BRIP1: variants seen among roughly 807,000 people sequenced by gnomAD.
BRIP1 encodes the protein Fanconi anemia group J protein.
A neutral mutation model predicts 119.7 loss-of-function variants in BRIP1; 88 were observed. That is an observed-to-expected ratio of 0.74 (90% CI 0.62 to 0.88). The LOEUF (loss-of-function observed/expected upper bound fraction) is 0.88. BRIP1 is among the 40% of genes least tolerant of loss of function. The pLI is 0.00. For synonymous variants in BRIP1, 443 were observed against 496.5 expected (o/e 0.89, Z 1.43); for missense variants, 1,259 against 1,455.4 (o/e 0.87, Z 2.20).
chr17:61,773,803 G>A (rs1308572919), intron 14 of BRIP1, among the ~76,000 whole-genome samples: 2 of 152,076 alleles, frequency 1.3e-5, no homozygotes, highest in Non-Finnish European at 2.9e-5. Context: ...CTCAAAAGAA[G>A]ACATTTATGC....
rs978584080 is a variant in BRIP1, at chr17:61,841,853, A to T, written c.627+5248T>A. On this transcript the variant is annotated intron_variant, in intron 6 of 19. Transcript: ENST00000259008. The surrounding 1 kb of genome is among the most constrained non-coding windows in gnomAD (Gnocchi z 4.1). ...ACCACCACGCCTGGCTAATTTTTTT[A>T]AAAATTTTGTACAGATGGGGTTCTC... Among the ~76,000 whole-genome samples, 2 of 152,034 alleles carry T rather than the reference A, an allele frequency of 1.3e-5. No individual in the cohort carries two copies. Among genetic ancestry groups the T allele is most frequent in the Non-Finnish European group, 1.5e-5 (1 of 67,984 alleles).
intron 16 of BRIP1, among the ~76,000 whole-genome samples, chr17:61,732,364 T>C (rs567589770): frequency 6.6e-6 from 1 of 152,278 alleles, no homozygotes; most frequent in East Asian, 1.9e-4. Context: ...AATGTTTGTA[T>C]ATTTGAATCT....
Position 61,857,165 on chromosome 17 carries a change from T to G in BRIP1, c.272A>C (p.His91Pro), listed in dbSNP as rs2145829406. 2 of 1,614,150 alleles carry G rather than the reference T, an allele frequency of 1.2e-6. No homozygotes were observed. Among genetic ancestry groups the G allele is most frequent in the Non-Finnish European group, 1.7e-6 (2 of 1,179,984 alleles). Residue 91 changes from histidine to proline, a missense_variant, in exon 4 of 20, where the codon CAT becomes CCT. Around this residue, in one of 3 missense-constraint regions of BRIP1, gnomAD observed 501 missense variants for 544.0 expected, o/e 0.92. Transcript: ENST00000259008. This position sits in a 1 kb window ranked among gnomAD's most constrained non-coding sequence, Gnocchi z 5.1. ...EVQLSCCCAC[H>P]SKDFTNNDMN... is the part of the protein sequence containing the mutation. ...GTCATTGTTTGTAAAATCCTTTGAA[T>G]GGCATGCACAACAACATGACAATTG...
In BRIP1 at chr17:61,689,876, G is replaced by A. The variant is rs1286477041; in HGVS notation, c.2575+3554C>T. On this transcript the variant is annotated intron_variant, in intron 18 of 19. Transcript: ENST00000259008. This position sits in a 1 kb window ranked among gnomAD's most constrained non-coding sequence, Gnocchi z 4.5. The stretch of plus-strand genomic sequence containing the variant: ...AAAAATTAAAAATTAGCCAGGTCTG[G>A]TGGTGCATGCCTGTAGTCCCAGCTG... Among the ~76,000 whole-genome samples the A allele has an allele frequency of 6.6e-6, 1 of 152,164 alleles. No homozygotes were observed. The highest frequency in any genetic ancestry group is 1.5e-5 in the Non-Finnish European group (1 of 68,034).
intron 1 of BRIP1, among the ~76,000 whole-genome samples, chr17:61,863,082 T>C (rs973483055): frequency 1.3e-5 from 2 of 151,890 alleles, no homozygotes; most frequent in Admixed American, 6.6e-5. Context: ...CCGCCAAGAA[T>C]TAACGCAGCG....
In BRIP1 at chr17:61,740,157, G is replaced by A. The variant is rs116333323; in HGVS notation, c.2379+2856C>T. 4.3e-3 allele frequency among the ~76,000 whole-genome samples: 657 copies of A among 152,180 alleles called. 3 individuals are homozygous for A. Among genetic ancestry groups the A allele is most frequent in the African/African-American group, 0.015 (616 of 41,526 alleles). On this transcript the variant is annotated intron_variant, in intron 16 of 19. Transcript: ENST00000259008. The surrounding 1 kb of genome is among the most constrained non-coding windows in gnomAD (Gnocchi z 5.4). ...CAGAGCATTAAAGTACAAGCAGAGC[G>A]CAGTGGTCCTGTTGAGCTGAGGTGG... is the stretch of plus-strand genomic sequence containing the variant.
chr17:61,776,348 T>C lies in BRIP1; in HGVS notation c.2097+53A>G. 1 of 1,603,076 alleles carries C rather than the reference T, an allele frequency of 6.2e-7. No individual in the cohort carries two copies. Among genetic ancestry groups the C allele is most frequent in the Non-Finnish European group, 8.5e-7 (1 of 1,170,288 alleles). The stretch of plus-strand genomic sequence containing the variant: ...AATTTTAAAATTAGCATGCCAATGT[T>C]TAAAATGTAAATGATTATTTAAAGG... On this transcript the variant is annotated intron_variant, in intron 14 of 19. Coordinates refer to ENST00000259008, the MANE Select transcript of BRIP1 (RefSeq NM_032043.3). The surrounding 1 kb of genome is among the most constrained non-coding windows in gnomAD (Gnocchi z 5.0).
chr17:61,825,183 G>C lies in BRIP1; in HGVS notation c.628-16426C>G, dbSNP rs1743405888. Among the ~76,000 whole-genome samples the C allele has an allele frequency of 6.6e-6, 1 of 151,984 alleles. No individual in the cohort carries two copies. The highest frequency in any genetic ancestry group is 1.5e-5 in the Non-Finnish European group (1 of 68,004). On this transcript the variant is annotated intron_variant, in intron 6 of 19. Transcript: ENST00000259008. The surrounding 1 kb of genome is among the most constrained non-coding windows in gnomAD (Gnocchi z 4.1). ...ACCTGTAGTCTCAGCTACTAGGGAGGCTGAGGCAGGAGAATGGCGTGAACC... is the reference window on the plus strand; with the variant it reads ...ACCTGTAGTCTCAGCTACTAGGGAGCCTGAGGCAGGAGAATGGCGTGAACC...
rs1188535016 is a variant in BRIP1 at position 61,690,160 on chromosome 17, A to T, written c.2575+3270T>A. Among the ~76,000 whole-genome samples the T allele has an allele frequency of 1.3e-5, 2 of 152,250 alleles. No individual in the cohort carries two copies. The highest frequency in any genetic ancestry group is 4.8e-5 in the African/African-American group (2 of 41,464). ...GAATAGGAGGTAAAAACTTTTCCAG[A>T]TAAGCAAAAGCTGAGGGACTTCACC... is the stretch of plus-strand genomic sequence containing the variant. On this transcript the variant is annotated intron_variant, in intron 18 of 19. Coordinates refer to ENST00000259008, the MANE Select transcript of BRIP1 (RefSeq NM_032043.3). This position sits in a 1 kb window ranked among gnomAD's most constrained non-coding sequence, Gnocchi z 5.6.
Position 61,856,584 on chromosome 17 carries a change from T to C in BRIP1, c.379+474A>G, listed in dbSNP as rs2078899064. Among the ~76,000 whole-genome samples the C allele has an allele frequency of 6.6e-6, 1 of 152,146 alleles. No individual in the cohort carries two copies. Among genetic ancestry groups the C allele is most frequent in the Admixed American group, 6.5e-5 (1 of 15,270 alleles). Reference sequence around the variant, plus strand: ...ATTATTAATAATCTTATGTTACTCTTAATGTATTTCTCTAAAATTAGTAAA... The same window carrying C: ...ATTATTAATAATCTTATGTTACTCTCAATGTATTTCTCTAAAATTAGTAAA... On this transcript the variant is annotated intron_variant, in intron 4 of 19. Transcript: ENST00000259008. The surrounding 1 kb of genome is among the most constrained non-coding windows in gnomAD (Gnocchi z 5.1).
chr17:61,680,406 G>T lies in BRIP1; in HGVS notation c.*2890C>A, dbSNP rs962126482. On this transcript the variant is annotated 3_prime_UTR_variant, in exon 20 of 20. Transcript: ENST00000259008. ...GAAAGGGGAAAGTATTGGAGATGAA[G>T]TTGGGTAATAACACTAAGATATGAA... is the stretch of plus-strand genomic sequence containing the variant. Among the ~76,000 whole-genome samples, 9 of 150,606 alleles carry T rather than the reference G, an allele frequency of 6.0e-5. No individual in the cohort carries two copies. Among genetic ancestry groups the T allele is most frequent in the Non-Finnish European group, 1.3e-4 (9 of 67,702 alleles).
rs918119384 is a variant in BRIP1 at position 61,705,310 on chromosome 17, A to G, written c.2492+10641T>C. On this transcript the variant is annotated intron_variant, in intron 17 of 19. Transcript: ENST00000259008. The surrounding 1 kb of genome is among the most constrained non-coding windows in gnomAD (Gnocchi z 5.0). The stretch of plus-strand genomic sequence containing the variant: ...GGCTGTGCAGTATTCCACGGTGTAT[A>G]TGTACCACATTTTCTTTATCTAGTC... 3.3e-5 allele frequency among the ~76,000 whole-genome samples: 5 copies of G among 152,124 alleles called. No individual in the cohort carries two copies. Among genetic ancestry groups the G allele is most frequent in the African/African-American group, 7.2e-5 (3 of 41,418 alleles).
chr17:61,781,807 G>C (rs1360362464), intron 11 of BRIP1, among the ~76,000 whole-genome samples: 1 of 151,552 alleles, frequency 6.6e-6, no homozygotes, highest in South Asian at 2.1e-4. Flanking sequence ...TGTAACCCCA[G>C]CTACTCAGGA....
rs950954394 is a variant in BRIP1, at chr17:61,743,934, G to T, written c.2257+498C>A. On this transcript the variant is annotated intron_variant, in intron 15 of 19. Transcript: ENST00000259008. The surrounding 1 kb of genome is among the most constrained non-coding windows in gnomAD (Gnocchi z 4.3). ...ACTCCTGGGCTCAAGTGATCCACCCGCCTCAGCCTCCCAAAGCGCTAGGAT... is the reference window on the plus strand; with the variant it reads ...ACTCCTGGGCTCAAGTGATCCACCCTCCTCAGCCTCCCAAAGCGCTAGGAT... 6.6e-6 allele frequency among the ~76,000 whole-genome samples: 1 copy of T among 152,012 alleles called. No individual in the cohort carries two copies. The highest frequency in any genetic ancestry group is 6.6e-5 in the Admixed American group (1 of 15,258).
chr17:61,792,629 A>G (rs1488398883), intron 10 of BRIP1, among the ~76,000 whole-genome samples: 1 of 152,196 alleles, frequency 6.6e-6, no homozygotes, highest in African/African-American at 2.4e-5. Flanking sequence ...CAATGGAGTT[A>G]GTAAAAAAAA....
chr17:61,761,447 T>C lies in BRIP1; in HGVS notation c.2097+14954A>G, dbSNP rs1248556160. Reference sequence around the variant, plus strand: ...GAGAAAGAAATAAAAAGCATCCAAATAGAAAAGAAAAAAGTGAAACTGCCC... The same window carrying C: ...GAGAAAGAAATAAAAAGCATCCAAACAGAAAAGAAAAAAGTGAAACTGCCC... On this transcript the variant is annotated intron_variant, in intron 14 of 19. Transcript: ENST00000259008. This position sits in a 1 kb window ranked among gnomAD's most constrained non-coding sequence, Gnocchi z 6.4. Among the ~76,000 whole-genome samples the C allele has an allele frequency of 2.0e-5, 3 of 151,728 alleles. No homozygotes were observed. The highest frequency in any genetic ancestry group is 6.6e-5 in the Admixed American group (1 of 15,200).
Position 61,831,886 on chromosome 17 carries a change from T to C in BRIP1, c.627+15215A>G, listed in dbSNP as rs1035604516. On this transcript the variant is annotated intron_variant, in intron 6 of 19. Coordinates refer to ENST00000259008, the MANE Select transcript of BRIP1 (RefSeq NM_032043.3). This position sits in a 1 kb window ranked among gnomAD's most constrained non-coding sequence, Gnocchi z 4.1. ...TGGTACTGGAATGGAACTGGATGTA[T>C]TGGTATAAACACTCATAATTTTCAG... is the stretch of plus-strand genomic sequence containing the variant. 1.3e-5 allele frequency among the ~76,000 whole-genome samples: 2 copies of C among 152,158 alleles called. No homozygotes were observed. Among genetic ancestry groups the C allele is most frequent in the South Asian group, 2.1e-4 (1 of 4,832 alleles).
Position 61,695,095 on chromosome 17 carries a change from A to G in BRIP1, c.2493-1583T>C, listed in dbSNP as rs907238222. Reference sequence around the variant, plus strand: ...TAGCAGATCTAAGAAACTATTGCCTAATACAAGGTCAAGAAAATTTATACC... The same window carrying G: ...TAGCAGATCTAAGAAACTATTGCCTGATACAAGGTCAAGAAAATTTATACC... On this transcript the variant is annotated intron_variant, in intron 17 of 19. Coordinates refer to ENST00000259008, the MANE Select transcript of BRIP1 (RefSeq NM_032043.3). This position sits in a 1 kb window ranked among gnomAD's most constrained non-coding sequence, Gnocchi z 4.3. 4.6e-5 allele frequency among the ~76,000 whole-genome samples: 7 copies of G among 152,050 alleles called. No individual in the cohort carries two copies. Among genetic ancestry groups the G allele is most frequent in the African/African-American group, 1.4e-4 (6 of 41,438 alleles).
rs540484102 is a variant in BRIP1 at position 61,770,941 on chromosome 17, TTAAACGTA to T, written c.2097+5452_2097+5459del. On this transcript the variant is annotated intron_variant, in intron 14 of 19. Transcript: ENST00000259008. This position sits in a 1 kb window ranked among gnomAD's most constrained non-coding sequence, Gnocchi z 4.7. Reference sequence around the variant, plus strand: ...AAACACTACCTTAGCACTAATTACATTAAACGTAAATGGAGTAAACACTCAAGTTAAAA... The same window carrying T: ...AAACACTACCTTAGCACTAATTACATAATGGAGTAAACACTCAAGTTAAAA... 6.4e-4 allele frequency among the ~76,000 whole-genome samples: 97 copies of T among 152,258 alleles called. No individual in the cohort carries two copies. Among genetic ancestry groups the T allele is most frequent in the Non-Finnish European group, 1.1e-3 (72 of 68,014 alleles).
Sources: allele counts gnomAD v4.1 joint callset (sites outside exome capture counted in the v4.1 genomes callset), GRCh38; gene constraint gnomAD v4.1.1; regional missense constraint gnomAD v4.1.1; non-coding constraint Gnocchi (gnomAD v3.1); transcripts MANE v1.5; gene names NCBI Gene and HGNC (gene_info 2026-07-23, HGNC 2026-07-21).